The following SLC29A1 variants were observed in gnomAD, a reference collection of about 807,000 sequenced individuals.
The protein encoded by SLC29A1 is solute carrier family 29 member 1 (Augustine blood group).
In SLC29A1, 22 loss-of-function variants were observed where a neutral mutation model predicts 48.3. The ratio of observed to expected loss-of-function variants is 0.46; its 90% CI spans 0.33 to 0.65. SLC29A1 has a LOEUF of 0.65. SLC29A1 is among the 30% of genes least tolerant of loss of function. SLC29A1 has a pLI of 0.03. For synonymous variants in SLC29A1, 228 were observed against 231.0 expected (o/e 0.99, Z 0.12); for missense variants, 491 against 575.3 (o/e 0.85, Z 1.50).
chr6:44,227,974 C>T (rs371695401), intron 2 of SLC29A1, among the ~76,000 whole-genome samples: 1 of 152,212 alleles, frequency 6.6e-6, no homozygotes, highest in Non-Finnish European at 1.5e-5. Flanking sequence ...GCCCTACCCA[C>T]CCCATCTCCC....
At position 44,229,974 on chromosome 6, in the gene SLC29A1, A is replaced by T; in HGVS notation, c.382A>T (p.Ile128Phe). Residue 128 changes from isoleucine (I) to phenylalanine (F), a missense_variant, in exon 5 of 13, where the codon ATC (isoleucine) becomes TTC (phenylalanine). Physicochemically the swap from Ile to Phe is conservative, Grantham distance 21. Transcript: ENST00000371755. This position sits in a 1 kb window ranked among gnomAD's most constrained non-coding sequence, Gnocchi z 5.1. ...AILLVFLITA[I>F]LVKVQLDALP... is the part of the protein sequence containing the mutation. ...CCTGCTGGTGTTTCTGATCACTGCC[A>T]TCCTGGTGAAGGTGCAGCTGGATGC... 1 of 1,613,118 alleles carries T rather than the reference A, an allele frequency of 6.2e-7. No homozygotes were observed. Among genetic ancestry groups the T allele is most frequent in the South Asian group, 1.1e-5 (1 of 91,084 alleles).
chr6:44,223,816 G>A lies in SLC29A1; in HGVS notation c.-52+175G>A, dbSNP rs1326198701. The A allele has an allele frequency of 2.0e-6, 2 of 1,011,936 alleles. No homozygotes were observed. The highest frequency in any genetic ancestry group is 5.1e-4 in the Middle Eastern group (1 of 1,978). The allele number at this position is 1,011,936 out of a possible 1,614,324, so 62.7% of individuals were successfully genotyped here. A position where few individuals can be genotyped will look rare whatever the true frequency, so the allele number is the denominator to read the frequency against. ...GAGCCGCGCAGCACGTGGCGCGCAC[G>A]GGCCAGGGAGCCTGAGGACCCTGCG... is the stretch of plus-strand genomic sequence containing the variant. On this transcript the variant is annotated intron_variant, in intron 1 of 12. Transcript: ENST00000371755. The surrounding 1 kb of genome is among the most constrained non-coding windows in gnomAD (Gnocchi z 5.0).
rs775361189 is a variant in SLC29A1 at position 44,223,630 on chromosome 6, C to G, written c.-63C>G. 5.7e-5 allele frequency: 69 copies of G among 1,209,796 alleles called. No individual in the cohort carries two copies. Among genetic ancestry groups the G allele is most frequent in the Non-Finnish European group, 4.7e-5 (45 of 949,002 alleles). 74.9% of individuals were successfully genotyped at this position (1,209,796 alleles called of 1,614,324 possible). ...CGCGGATCTCAGCGCGGGAGCAGTG[C>G]TTCTGCGGCAGGTGCTGCCCGGGGC... On this transcript the variant is annotated 5_prime_UTR_variant, in exon 1 of 13. Coordinates refer to ENST00000371755, the MANE Select transcript of SLC29A1 (RefSeq NM_001372327.1). The surrounding 1 kb of genome is among the most constrained non-coding windows in gnomAD (Gnocchi z 5.0).
At chr6:44,228,218 C>T (rs2153292078) in intron 2 of SLC29A1, among the ~76,000 whole-genome samples, 2 of 152,330 alleles carry the variant, frequency 1.3e-5, no homozygotes, top group Middle Eastern at 6.8e-3. Flanking sequence ...ATTCTGTCCC[C>T]ACCTCCGCTC....
intron 8 of SLC29A1, among the ~76,000 whole-genome samples, chr6:44,231,158 T>C (rs1778766913): frequency 1.3e-5 from 2 of 152,122 alleles, no homozygotes; most frequent in South Asian, 4.1e-4. Context: ...AGGAGTAACA[T>C]GACCTGAGGC....
At chr6:44,223,466 T>A, upstream of SLC29A1, 1 of 820,124 alleles carries the variant, frequency 1.2e-6, no homozygotes, top group Non-Finnish European at 1.4e-6. The surrounding 1 kb of genome is among the most constrained non-coding windows in gnomAD (Gnocchi z 5.0). Flanking sequence ...GCGCGCGGAG[T>A]CGCCGCGGGG....
At position 44,230,437 on chromosome 6, in the gene SLC29A1, T is replaced by C; in HGVS notation, c.545T>C (p.Leu182Pro). ...YTAPIMSGQG[L>P]AGFFASVAMI... is the part of the protein sequence containing the mutation. Reference sequence around the variant, plus strand: ...GCCCCCATCATGAGTGGCCAGGGCCTAGCAGGCTTCTTTGCCTCCGTGGCC... The same window carrying C: ...GCCCCCATCATGAGTGGCCAGGGCCCAGCAGGCTTCTTTGCCTCCGTGGCC... Residue 182 changes from leucine (L) to proline (P), a missense_variant, in exon 6 of 13, where the codon CTA (leucine) becomes CCA (proline). Coordinates refer to ENST00000371755, the MANE Select transcript of SLC29A1 (RefSeq NM_001372327.1). The C allele has an allele frequency of 6.2e-7, 1 of 1,614,040 alleles. No individual in the cohort carries two copies. Among genetic ancestry groups the C allele is most frequent in the Non-Finnish European group, 8.5e-7 (1 of 1,179,992 alleles).
chr6:44,220,663 A>AC (rs530677886), upstream of SLC29A1, among the ~76,000 whole-genome samples: 41,207 of 149,094 alleles, frequency 0.28, 5,821 homozygotes, highest in South Asian at 0.41. Context: ...AAAAAAAAAA[A>AC]AAAATACAAA....
chr6:44,220,573 G>C (rs1352718882), upstream of SLC29A1, among the ~76,000 whole-genome samples: 1 of 151,222 alleles, frequency 6.6e-6, no homozygotes, highest in Non-Finnish European at 1.5e-5. Flanking sequence ...CCAGTGCTTT[G>C]GGAGGCCAAG....
chr6:44,227,108 A>G, intron 1 of SLC29A1, 155 bp from the exon 2 acceptor site: 9 of 1,407,504 alleles, frequency 6.4e-6, no homozygotes, highest in Non-Finnish European at 8.4e-6. Context: ...GGTGGGGGTC[A>G]AGTTGAGTCG....
rs1028209812 is a variant in SLC29A1, at chr6:44,231,421, C to T, written c.824C>T (p.Pro275Leu). Residue 275 changes from proline to leucine, a missense_variant, in exon 9 of 13, where the codon CCC becomes CTC. Transcript: ENST00000371755. Reference protein sequence around the residue: ...ESGVSVSNSQPTNESHSIKAI... With the variant: ...ESGVSVSNSQLTNESHSIKAI... ...GGAGTTTCAGTCTCCAACTCTCAGC[C>T]CACCAATGAAAGCCACTCTATCAAA... is the stretch of plus-strand genomic sequence containing the variant. 1.2e-6 allele frequency: 2 copies of T among 1,607,710 alleles called. No homozygotes were observed. Among genetic ancestry groups the T allele is most frequent in the African/African-American group, 2.7e-5 (2 of 74,826 alleles).
At chr6:44,222,053 G>A (rs1204614417), upstream of SLC29A1, among the ~76,000 whole-genome samples, 1 of 152,188 alleles carries the variant, frequency 6.6e-6, no homozygotes, top group Non-Finnish European at 1.5e-5. Flanking sequence ...GACCAGGAAA[G>A]GAGGGTGGGG....
intron 8 of SLC29A1, 126 bp downstream of exon 8, chr6:44,231,015 A>C: frequency 1.3e-6 from 1 of 766,804 alleles, no homozygotes. Context: ...GGACTGAAGG[A>C]CTACAGCAGG....
At chr6:44,231,617 G>C (rs1260375240) in intron 9 of SLC29A1, among the ~76,000 whole-genome samples, 156 bp downstream of exon 9, 1 of 152,020 alleles carries the variant, frequency 6.6e-6, no homozygotes, top group African/African-American at 2.4e-5. Context: ...GTGCGTGCCG[G>C]GGGTGGGGAT....
At chr6:44,227,085 G>T in intron 1 of SLC29A1, 178 bp from the exon 2 acceptor site, 1 of 1,412,680 alleles carries the variant, frequency 7.1e-7, no homozygotes. Context: ...TGGCCTGCTG[G>T]GCCAGGGGGC....
Position 44,223,881 on chromosome 6 carries a change from G to C in SLC29A1, c.-52+240G>C, listed in dbSNP as rs1015924944. On this transcript the variant is annotated intron_variant, in intron 1 of 12. Transcript: ENST00000371755. The surrounding 1 kb of genome is among the most constrained non-coding windows in gnomAD (Gnocchi z 5.0). ...AGCTGGGCGGGGCGGCCTGGCTCCC[G>C]GGCCTAAAACAGGCTGCGGTCACGT... 4.0e-6 allele frequency: 4 copies of C among 998,672 alleles called. No individual in the cohort carries two copies. The African/African-American group carries it at 7.0e-5, about 17-fold the overall frequency. 61.9% of individuals were successfully genotyped at this position (998,672 alleles called of 1,614,324 possible).
chr6:44,232,185 G>A lies in SLC29A1; in HGVS notation c.973+79G>A. On this transcript the variant is annotated intron_variant, in intron 10 of 12. Coordinates refer to ENST00000371755, the MANE Select transcript of SLC29A1 (RefSeq NM_001372327.1). This position sits in a 1 kb window ranked among gnomAD's most constrained non-coding sequence, Gnocchi z 4.7. The stretch of plus-strand genomic sequence containing the variant: ...TGGAAGTGGGGAAGGGAGGGAGCCT[G>A]GGTCACCTTCTCCCCGTTTCCTGGG... 1 of 1,250,808 alleles carries A rather than the reference G, an allele frequency of 8.0e-7. No individual in the cohort carries two copies. The highest frequency in any genetic ancestry group is 2.3e-5 in the East Asian group (1 of 43,062). The allele number at this position is 1,250,808 out of a possible 1,614,324, so 77.5% of individuals were successfully genotyped here. A position where few individuals can be genotyped will look rare whatever the true frequency, so the allele number is the denominator to read the frequency against.
chr6:44,228,869 C>T (rs891506683), intron 2 of SLC29A1, among the ~76,000 whole-genome samples: 3 of 152,216 alleles, frequency 2.0e-5, no homozygotes, highest in African/African-American at 7.2e-5. Flanking sequence ...TTCACAGCGG[C>T]CCTGAGGCAC....
rs529405855 is a variant in SLC29A1, at chr6:44,230,325, C to T, written c.455-22C>T. ...AACCACCAGCCCTAGCTCCCCTGCT[C>T]ATGCCCGCCCTGTTTCCCCAGCATT... On this transcript the variant is annotated intron_variant, in intron 5 of 12. Coordinates refer to ENST00000371755, the MANE Select transcript of SLC29A1 (RefSeq NM_001372327.1). 1.2e-5 allele frequency: 20 copies of T among 1,602,712 alleles called. No individual in the cohort carries two copies. In the East Asian group the frequency reaches 4.3e-4, roughly 34 times the overall value.
Sources: allele counts gnomAD v4.1 joint callset (sites outside exome capture counted in the v4.1 genomes callset), GRCh38; gene constraint gnomAD v4.1.1; non-coding constraint Gnocchi (gnomAD v3.1); transcripts MANE v1.5; gene names NCBI Gene and HGNC (gene_info 2026-07-23, HGNC 2026-07-21).